The following BRIP1 variants were observed in gnomAD, a reference collection of about 807,000 sequenced individuals.
BRIP1 encodes the protein Fanconi anemia group J protein.
Under a neutral mutation model 119.7 loss-of-function variants are expected in BRIP1, and 88 were observed. That is an observed-to-expected ratio of 0.74 (90% CI 0.62 to 0.88). BRIP1 has a LOEUF of 0.88. Ranked by LOEUF, BRIP1 falls within the 40% of genes least tolerant of loss-of-function variation. BRIP1 has a pLI of 0.00. For synonymous variants in BRIP1, 443 were observed against 496.5 expected (o/e 0.89, Z 1.43); for missense variants, 1,259 against 1,455.4 (o/e 0.87, Z 2.20).
Position 61,765,412 on chromosome 17 carries a change from TA to T in BRIP1, c.2097+10988del, listed in dbSNP as rs1567799001. ...ATATATATATATATATATATATATA[TA>T]TATATATATATTTTTTTTTTTTTTT... On this transcript the variant is annotated intron_variant, in intron 14 of 19. Transcript: ENST00000259008. 2.3e-3 allele frequency among the ~76,000 whole-genome samples: 41 copies of T among 17,538 alleles called. 1 individual carries two copies. Among genetic ancestry groups the T allele is most frequent in the African/African-American group, 5.2e-3 (19 of 3,688 alleles). 11.5% of individuals were successfully genotyped at this position (17,538 alleles called of 152,430 possible). A position where few individuals can be genotyped will look rare whatever the true frequency, so the allele number is the denominator to read the frequency against.
At position 61,797,851 on chromosome 17, in the gene BRIP1, A is replaced by G. The variant is rs1328154034; in HGVS notation, c.1340+1249T>C. ...CTTAATTTCATGCATATTAAGGAAA[A>G]TGAATATTAAAACTACATTGGGATA... On this transcript the variant is annotated intron_variant, in intron 9 of 19. Transcript: ENST00000259008. Among the ~76,000 whole-genome samples the G allele has an allele frequency of 2.0e-5, 3 of 152,054 alleles. No homozygotes were observed. The East Asian group carries it at 5.8e-4, about 29-fold the overall frequency.
At position 61,843,251 on chromosome 17, in the gene BRIP1, T is replaced by C. The variant is rs2078682919; in HGVS notation, c.627+3850A>G. On this transcript the variant is annotated intron_variant, in intron 6 of 19. Coordinates refer to ENST00000259008, the MANE Select transcript of BRIP1 (RefSeq NM_032043.3). This position sits in a 1 kb window ranked among gnomAD's most constrained non-coding sequence, Gnocchi z 5.7. ...GAGATGTTGATCAAAGAGTAAAAAG[T>C]TGAATCTACATAGGATGAATCAAGT... Among the ~76,000 whole-genome samples, 1 of 152,094 alleles carries C rather than the reference T, an allele frequency of 6.6e-6. No homozygotes were observed. The highest frequency in any genetic ancestry group is 2.4e-5 in the African/African-American group (1 of 41,410).
intron 17 of BRIP1, among the ~76,000 whole-genome samples, chr17:61,696,642 G>A (rs188658567): frequency 2.8e-4 from 40 of 144,704 alleles, no homozygotes; most frequent in Admixed American, 2.7e-3. Flanking sequence ...CTGAGATCAC[G>A]CCACTGCATT....
At position 61,846,068 on chromosome 17, in the gene BRIP1, A is replaced by G. The variant is rs984785547; in HGVS notation, c.627+1033T>C. ...GTGGTGGCAGGCGCCTGTAGTCCCA[A>G]CTACTCGGGAGGTTGAGGCAGGAGA... is the stretch of plus-strand genomic sequence containing the variant. On this transcript the variant is annotated intron_variant, in intron 6 of 19. Coordinates refer to ENST00000259008, the MANE Select transcript of BRIP1 (RefSeq NM_032043.3). The surrounding 1 kb of genome is among the most constrained non-coding windows in gnomAD (Gnocchi z 4.3). Among the ~76,000 whole-genome samples the G allele has an allele frequency of 4.6e-5, 7 of 151,834 alleles. No homozygotes were observed. The highest frequency in any genetic ancestry group is 4.2e-4 in the South Asian group (2 of 4,808).
intron 6 of BRIP1, among the ~76,000 whole-genome samples, chr17:61,839,741 C>T (rs1443573317): frequency 6.6e-6 from 1 of 152,022 alleles, no homozygotes; most frequent in African/African-American, 2.4e-5. Flanking sequence ...AATAAATCAC[C>T]CACTTATGAA....
rs1188027507 is a variant in BRIP1, at chr17:61,774,229, T to A, written c.2097+2172A>T. ...GACTGGATTAAGAAAATGTGGCACA[T>A]ATACACCATAGAATACTATGCAGCC... On this transcript the variant is annotated intron_variant, in intron 14 of 19. Transcript: ENST00000259008. The surrounding 1 kb of genome is among the most constrained non-coding windows in gnomAD (Gnocchi z 5.8). Among the ~76,000 whole-genome samples the A allele has an allele frequency of 6.6e-6, 1 of 152,156 alleles. No homozygotes were observed. Among genetic ancestry groups the A allele is most frequent in the Admixed American group, 6.5e-5 (1 of 15,280 alleles).
In BRIP1 at chr17:61,824,385, G is replaced by A. The variant is rs1453423108; in HGVS notation, c.628-15628C>T. Among the ~76,000 whole-genome samples the A allele has an allele frequency of 1.3e-5, 2 of 152,096 alleles. No individual in the cohort carries two copies. The highest frequency in any genetic ancestry group is 2.9e-5 in the Non-Finnish European group (2 of 68,022). ...AATCTTGAAAAAGAACAAAACTGGAGGTCTCACATTTTCTGATTTCTAAAC... is the reference window on the plus strand; with the variant it reads ...AATCTTGAAAAAGAACAAAACTGGAAGTCTCACATTTTCTGATTTCTAAAC... On this transcript the variant is annotated intron_variant, in intron 6 of 19. Coordinates refer to ENST00000259008, the MANE Select transcript of BRIP1 (RefSeq NM_032043.3). The surrounding 1 kb of genome is among the most constrained non-coding windows in gnomAD (Gnocchi z 4.3).
chr17:61,798,563 T>C lies in BRIP1; in HGVS notation c.1340+537A>G, dbSNP rs894986043. On this transcript the variant is annotated intron_variant, in intron 9 of 19. Transcript: ENST00000259008. The surrounding 1 kb of genome is among the most constrained non-coding windows in gnomAD (Gnocchi z 5.5). Reference sequence around the variant, plus strand: ...CAGAAAAATGCTACAATAAATGAAATGGGATTCAGAGTTGGGAAGTTTTTT... The same window carrying C: ...CAGAAAAATGCTACAATAAATGAAACGGGATTCAGAGTTGGGAAGTTTTTT... Among the ~76,000 whole-genome samples the C allele has an allele frequency of 6.6e-6, 1 of 151,966 alleles. No homozygotes were observed. Among genetic ancestry groups the C allele is most frequent in the African/African-American group, 2.4e-5 (1 of 41,418 alleles).
intron 14 of BRIP1, among the ~76,000 whole-genome samples, chr17:61,772,439 T>A (rs2077469825): frequency 6.6e-6 from 1 of 150,792 alleles, no homozygotes. Context: ...GGGAACAGAG[T>A]TCTTATTTGG....
At chr17:61,696,500 T>C (rs1487010522) in intron 17 of BRIP1, among the ~76,000 whole-genome samples, 2 of 152,130 alleles carry the variant, frequency 1.3e-5, no homozygotes, top group Admixed American at 6.6e-5. Flanking sequence ...TCTCCCATTT[T>C]TTGCTAGAGT....
At position 61,706,519 on chromosome 17, in the gene BRIP1, C is replaced by T. The variant is rs1305508760; in HGVS notation, c.2492+9432G>A. On this transcript the variant is annotated intron_variant, in intron 17 of 19. Transcript: ENST00000259008. This position sits in a 1 kb window ranked among gnomAD's most constrained non-coding sequence, Gnocchi z 5.7. ...CCACCTCCTGTTTACAATTCCCATT[C>T]CTCAGAAACAATTACTTTCAATATT... Among the ~76,000 whole-genome samples the T allele has an allele frequency of 1.3e-5, 2 of 152,142 alleles. No individual in the cohort carries two copies. The highest frequency in any genetic ancestry group is 4.8e-5 in the African/African-American group (2 of 41,434).
intron 3 of BRIP1, among the ~76,000 whole-genome samples, chr17:61,859,184 T>C (rs1346751495): frequency 6.6e-6 from 1 of 152,130 alleles, no homozygotes; most frequent in Non-Finnish European, 1.5e-5. Flanking sequence ...TTTTATATAT[T>C]CCATGTGCTG....
At chr17:61,749,761 CCTT>C (rs1222079196) in intron 14 of BRIP1, among the ~76,000 whole-genome samples, 3 of 152,122 alleles carry the variant, frequency 2.0e-5, no homozygotes, top group Non-Finnish European at 4.4e-5. Flanking sequence ...TCTTTTACCT[CCTT>C]AAGTTTATTC....
chr17:61,748,954 G>A lies in BRIP1; in HGVS notation c.2098-4363C>T, dbSNP rs1049163465. ...AGATTGAGACCATCCTGGCTAACAC[G>A]GTGAAACCCCATCTCTACTAAAAAT... On this transcript the variant is annotated intron_variant, in intron 14 of 19. Transcript: ENST00000259008. The surrounding 1 kb of genome is among the most constrained non-coding windows in gnomAD (Gnocchi z 4.7). 2.2e-4 allele frequency among the ~76,000 whole-genome samples: 34 copies of A among 152,166 alleles called. No individual in the cohort carries two copies. The highest frequency in any genetic ancestry group is 2.0e-3 in the Admixed American group (30 of 15,284).
chr17:61,815,514 C>T lies in BRIP1; in HGVS notation c.628-6757G>A, dbSNP rs185278728. Among the ~76,000 whole-genome samples the T allele has an allele frequency of 2.4e-3, 371 of 152,252 alleles. 2 individuals are homozygous for T. Among genetic ancestry groups the T allele is most frequent in the Non-Finnish European group, 3.6e-3 (247 of 67,996 alleles). On this transcript the variant is annotated intron_variant, in intron 6 of 19. Transcript: ENST00000259008. The surrounding 1 kb of genome is among the most constrained non-coding windows in gnomAD (Gnocchi z 4.1). The stretch of plus-strand genomic sequence containing the variant: ...CAGCCAAGAGAATTTCATAAAGTTT[C>T]CTCCACTGCTTCTGAACTCATTTCT...
Position 61,849,181 on chromosome 17 carries a change from T to C in BRIP1, c.455A>G (p.Asp152Gly), listed in dbSNP as rs2145763474. Residue 152 changes from aspartate to glycine, a missense_variant, in exon 5 of 20, where the codon GAT (aspartate) becomes GGT (glycine). Around this residue, in one of 3 missense-constraint regions of BRIP1, gnomAD observed 501 missense variants for 544.0 expected, o/e 0.92. Transcript: ENST00000259008. ...TCTTTTCTTCTCTACTTGAAAATCATCATTTTCATCTCTGTATATGGATGC... is the reference window on the plus strand; with the variant it reads ...TCTTTTCTTCTCTACTTGAAAATCACCATTTTCATCTCTGTATATGGATGC... ...KQASIYRDEN[D>G]DFQVEKKRIR... is the part of the protein sequence containing the mutation. The C allele has an allele frequency of 1.2e-6, 2 of 1,613,484 alleles. No individual in the cohort carries two copies. Among genetic ancestry groups the C allele is most frequent in the Non-Finnish European group, 1.7e-6 (2 of 1,179,562 alleles).
rs140563540 is a variant in BRIP1, at chr17:61,749,469, TACAAATGGTTA to T, written c.2098-4889_2098-4879del. Reference sequence around the variant, plus strand: ...AATAGACAGTTCTCCAAAGAAGACATACAAATGGTTAACAGGTATATGGAAAGATGCTCAAC... The same window carrying T: ...AATAGACAGTTCTCCAAAGAAGACATACAGGTATATGGAAAGATGCTCAAC... On this transcript the variant is annotated intron_variant, in intron 14 of 19. Coordinates refer to ENST00000259008, the MANE Select transcript of BRIP1 (RefSeq NM_032043.3). Among the ~76,000 whole-genome samples the T allele has an allele frequency of 5.5e-3, 837 of 152,114 alleles. 8 individuals are homozygous for T. Among genetic ancestry groups the T allele is most frequent in the African/African-American group, 0.019 (784 of 41,492 alleles).
rs1555607258 is a variant in BRIP1, at chr17:61,799,308, T to C, written c.1141-9A>G. ...TTCAGATTTAAATCCATCTATAAGA[T>C]AAAAGAATTTTCTTGTAAAACATTT... On this transcript the variant is annotated splice_polypyrimidine_tract_variant and intron_variant, in intron 8 of 19. Coordinates refer to ENST00000259008, the MANE Select transcript of BRIP1 (RefSeq NM_032043.3). This position sits in a 1 kb window ranked among gnomAD's most constrained non-coding sequence, Gnocchi z 5.1. The C allele has an allele frequency of 6.2e-7, 1 of 1,600,322 alleles. No individual in the cohort carries two copies. The highest frequency in any genetic ancestry group is 1.1e-5 in the South Asian group (1 of 90,352).
Position 61,742,160 on chromosome 17 carries a change from G to T in BRIP1, c.2379+853C>A, listed in dbSNP as rs1483705176. Among the ~76,000 whole-genome samples the T allele has an allele frequency of 6.6e-6, 1 of 152,174 alleles. No individual in the cohort carries two copies. The highest frequency in any genetic ancestry group is 1.9e-4 in the East Asian group (1 of 5,198). ...CCTTAAACCTCATGAAACAACCTCTGCTAGCTTCAAACTTTTCTGCAGCCT... is the reference window on the plus strand; with the variant it reads ...CCTTAAACCTCATGAAACAACCTCTTCTAGCTTCAAACTTTTCTGCAGCCT... On this transcript the variant is annotated intron_variant, in intron 16 of 19. Coordinates refer to ENST00000259008, the MANE Select transcript of BRIP1 (RefSeq NM_032043.3). This position sits in a 1 kb window ranked among gnomAD's most constrained non-coding sequence, Gnocchi z 4.7.
Sources: allele counts gnomAD v4.1 joint callset (sites outside exome capture counted in the v4.1 genomes callset), GRCh38; gene constraint gnomAD v4.1.1; regional missense constraint gnomAD v4.1.1; non-coding constraint Gnocchi (gnomAD v3.1); transcripts MANE v1.5; gene names NCBI Gene and HGNC (gene_info 2026-07-23, HGNC 2026-07-21).